The following PELI2 variants were observed in gnomAD, a reference collection of about 807,000 sequenced individuals.
PELI2 encodes pellino E3 ubiquitin protein ligase family member 2, also known as E3 ubiquitin-protein ligase pellino homolog 2.
In PELI2, 23 loss-of-function variants were observed where a neutral mutation model predicts 42.3. That is an observed-to-expected ratio of 0.54 (90% CI 0.39 to 0.77). PELI2 has a LOEUF of 0.77. PELI2 is among the 30% of genes least tolerant of loss of function. The pLI is 0.00. For synonymous variants in PELI2, 245 were observed against 212.2 expected, an observed-to-expected ratio of 1.15 and a Z score of -1.34; for missense variants, 463 against 553.2, an observed-to-expected ratio of 0.84 and a Z score of 1.64.
In PELI2 at chr14:56,297,270, G is replaced by A. The variant is rs1890041352; in HGVS notation, c.*104G>A. The A allele has an allele frequency of 4.1e-6, 3 of 733,302 alleles. No homozygotes were observed. In the South Asian group the frequency reaches 5.3e-5, roughly 13 times the overall value. 45.4% of individuals were successfully genotyped at this position (733,302 alleles called of 1,614,324 possible). A position where few individuals can be genotyped will look rare whatever the true frequency, so the allele number is the denominator to read the frequency against. On this transcript the variant is annotated 3_prime_UTR_variant, in exon 6 of 6. Coordinates refer to ENST00000267460, the MANE Select transcript of PELI2 (RefSeq NM_021255.3). ...GTAATGCTGTTTATCAGAGGAGGGT[G>A]ACAGGGGCTGGAAATAAAGAGAGGG...
At chr14:56,245,489 T>G (rs755238704) in intron 2 of PELI2, among the ~76,000 whole-genome samples, 1 of 152,222 alleles carries the variant, frequency 6.6e-6, no homozygotes, top group Non-Finnish European at 1.5e-5. Context: ...TCTATCTGCA[T>G]GTCTACAATA....
chr14:56,264,110 AG>A (rs1324189827), intron 2 of PELI2, among the ~76,000 whole-genome samples: 2 of 152,192 alleles, frequency 1.3e-5, no homozygotes, highest in African/African-American at 4.8e-5. Flanking sequence ...AAGAAATGTG[AG>A]TGGCCTGCCC....
At chr14:56,293,403 A>T (rs192867099) in intron 5 of PELI2, among the ~76,000 whole-genome samples, 16 of 152,310 alleles carry the variant, frequency 1.1e-4, no homozygotes, top group Admixed American at 8.5e-4. Flanking sequence ...TGGTTTCACC[A>T]CTTAGTTCTG....
At chr14:56,239,711 C>T (rs939236746) in intron 2 of PELI2, among the ~76,000 whole-genome samples, 10 of 152,062 alleles carry the variant, frequency 6.6e-5, no homozygotes, top group Admixed American at 3.3e-4. Context: ...CCCCAAGCCC[C>T]GTGCACTTGT....
intron 2 of PELI2, among the ~76,000 whole-genome samples, chr14:56,215,058 G>C (rs1411794475): frequency 6.6e-6 from 1 of 151,924 alleles, no homozygotes; most frequent in Admixed American, 6.6e-5. Flanking sequence ...TGCTTTTTTT[G>C]CTTAGCTCTA....
intron 1 of PELI2, among the ~76,000 whole-genome samples, chr14:56,130,473 A>G (rs1469211933): frequency 6.6e-6 from 1 of 151,630 alleles, no homozygotes; most frequent in Admixed American, 6.6e-5. Context: ...CCCTTGCCAT[A>G]CTGGGTATTC....
chr14:56,294,607 G>A (rs1256438514), intron 5 of PELI2, among the ~76,000 whole-genome samples: 3 of 152,138 alleles, frequency 2.0e-5, no homozygotes, highest in African/African-American at 7.2e-5. Flanking sequence ...CCCAGCTCCT[G>A]GCTCTGTCCT....
At position 56,300,042 on chromosome 14, in the gene PELI2, A is replaced by C. The variant is rs1353354561; in HGVS notation, c.*2876A>C. On this transcript the variant is annotated 3_prime_UTR_variant, in exon 6 of 6. Coordinates refer to ENST00000267460, the MANE Select transcript of PELI2 (RefSeq NM_021255.3). ...TTATTTGGTTCAGCTTTTAGCAAAA[A>C]GGGCTACAGTTCACCCTGCAGAGTA... The C allele has an allele frequency of 1.3e-5, 2 of 152,660 alleles. No homozygotes were observed. Among genetic ancestry groups the C allele is most frequent in the African/African-American group, 4.8e-5 (2 of 41,464 alleles). The allele number at this position is 152,660 out of a possible 1,614,324, so 9.5% of individuals were successfully genotyped here. A position where few individuals can be genotyped will look rare whatever the true frequency, so the allele number is the denominator to read the frequency against.
At chr14:56,217,856 G>A (rs543808389) in intron 2 of PELI2, among the ~76,000 whole-genome samples, 12 of 152,118 alleles carry the variant, frequency 7.9e-5, no homozygotes, top group African/African-American at 9.6e-5. Context: ...TCACCAGCTC[G>A]CAGATCTGTT....
intron 1 of PELI2, among the ~76,000 whole-genome samples, chr14:56,148,507 G>A (rs1413922972): frequency 6.6e-6 from 1 of 152,182 alleles, no homozygotes; most frequent in East Asian, 1.9e-4. Flanking sequence ...TGGCCCATGT[G>A]CTCTTGCTTC....
intron 2 of PELI2, among the ~76,000 whole-genome samples, chr14:56,214,578 C>T (rs1424544279): frequency 1.3e-5 from 2 of 152,116 alleles, no homozygotes. Context: ...GGGCACAGAA[C>T]CCTGTGTCTT....
chr14:56,248,969 T>A (rs1888252072), intron 2 of PELI2, among the ~76,000 whole-genome samples: 1 of 152,182 alleles, frequency 6.6e-6, no homozygotes, highest in South Asian at 2.1e-4. Flanking sequence ...GCACATCTTC[T>A]CTCCCAGTTT....
intron 2 of PELI2, among the ~76,000 whole-genome samples, chr14:56,207,224 A>T (rs2139720166): frequency 6.6e-6 from 1 of 152,330 alleles, no homozygotes; most frequent in South Asian, 2.1e-4. Context: ...AAAAAAAATA[A>T]CTGAATAATC....
At chr14:56,250,060 T>C (rs148850815) in intron 2 of PELI2, among the ~76,000 whole-genome samples, 44 of 152,298 alleles carry the variant, frequency 2.9e-4, no homozygotes, top group Admixed American at 3.3e-4. Context: ...TCCTCCTTAC[T>C]GAGGATGCTC....
At chr14:56,280,258 G>T (rs1422318903) in intron 3 of PELI2, among the ~76,000 whole-genome samples, 3 of 151,726 alleles carry the variant, frequency 2.0e-5, no homozygotes, top group African/African-American at 4.8e-5. Context: ...GAAGATCAAG[G>T]GACTAAACAT....
intron 2 of PELI2, among the ~76,000 whole-genome samples, chr14:56,255,927 G>A (rs12101004): frequency 1.3e-5 from 2 of 152,230 alleles, no homozygotes; most frequent in Middle Eastern, 3.4e-3. Flanking sequence ...GCATTCACTC[G>A]TGCAAGCTCC....
chr14:56,120,345 C>T (rs544693773), intron 1 of PELI2, among the ~76,000 whole-genome samples: 47 of 152,264 alleles, frequency 3.1e-4, no homozygotes, highest in Admixed American at 2.0e-3. Context: ...TCATTATTTC[C>T]TTTTGAGGAA....
At chr14:56,283,046 G>A (rs1889532278) in intron 3 of PELI2, among the ~76,000 whole-genome samples, 1 of 152,172 alleles carries the variant, frequency 6.6e-6, no homozygotes, top group Admixed American at 6.6e-5. Flanking sequence ...TACTCTCAAA[G>A]TGTGAGACAT....
intron 2 of PELI2, among the ~76,000 whole-genome samples, chr14:56,271,836 C>T (rs948683325): frequency 7.9e-5 from 12 of 152,190 alleles, no homozygotes; most frequent in African/African-American, 2.7e-4. Context: ...GAGAGCAGAT[C>T]GCGTGAGCCC....
Sources: gnomAD v4.1 joint callset for allele counts (sites outside exome capture counted in the v4.1 genomes callset) on GRCh38, gnomAD v4.1.1 for gene constraint, MANE v1.5 for transcripts, NCBI Gene and HGNC (gene_info 2026-07-23, HGNC 2026-07-21) for gene names.